Variants in PATE4 observed in about 807,000 individuals in gnomAD.
PATE4 encodes the protein prostate and testis expressed 4.
In PATE4, 13 loss-of-function variants were observed where a neutral mutation model predicts 8.5. The observed-to-expected ratio is 1.53, with a 90% confidence interval of 1.00 to 2.43. PATE4 has a LOEUF of 2.43. Among genes scored for constraint, PATE4 ranks in the 30% most tolerant of loss-of-function variants. The pLI, the probability that PATE4 is intolerant of heterozygous loss-of-function variation, is 0.00. For synonymous variants in PATE4, 47 were observed against 39.3 expected, an observed-to-expected ratio of 1.20 and a Z score of -0.73; for missense variants, 127 against 115.5, an observed-to-expected ratio of 1.10 and a Z score of -0.46.
At chr11:125,837,828 C>A in intron 1 of PATE4, 40 bp from the exon 2 acceptor site, 1 of 1,458,792 alleles carries the variant, frequency 6.9e-7, no homozygotes, top group Non-Finnish European at 9.4e-7. Context: ...TCCATTGTCC[C>A]ACAATCCAGC....
At chr11:125,837,388 T>C (rs1029688221) in intron 1 of PATE4, among the ~76,000 whole-genome samples, 22 of 152,150 alleles carry the variant, frequency 1.4e-4, no homozygotes, top group Non-Finnish European at 2.9e-5. Context: ...GCCGTTTTCA[T>C]TCCTACCTCT....
At chr11:125,833,545 T>C (rs534696672) in intron 1 of PATE4, 128 bp downstream of exon 1, 44 of 809,168 alleles carry the variant, frequency 5.4e-5, no homozygotes, top group Admixed American at 2.9e-4. Flanking sequence ...AGTTTCAGGA[T>C]GTCAGAGAGA....
At chr11:125,837,254 C>G (rs1426390369) in intron 1 of PATE4, among the ~76,000 whole-genome samples, 5 of 152,184 alleles carry the variant, frequency 3.3e-5, no homozygotes, top group Non-Finnish European at 5.9e-5. Flanking sequence ...CTCCTGGTCA[C>G]AGGGACTCCC....
chr11:125,834,735 T>C (rs1271934313), intron 1 of PATE4, among the ~76,000 whole-genome samples: 1 of 152,200 alleles, frequency 6.6e-6, no homozygotes, highest in Non-Finnish European at 1.5e-5. Flanking sequence ...CATTATTTAT[T>C]GCAGCAGATA....
At chr11:125,834,826 A>C (rs185531627) in intron 1 of PATE4, among the ~76,000 whole-genome samples, 36 of 152,326 alleles carry the variant, frequency 2.4e-4, no homozygotes, top group African/African-American at 8.7e-4. Flanking sequence ...GTGGAATACT[A>C]TACACTTAGT....
intron 1 of PATE4, among the ~76,000 whole-genome samples, chr11:125,837,162 A>G (rs1314565421): frequency 6.6e-6 from 1 of 152,166 alleles, no homozygotes; most frequent in East Asian, 1.9e-4. Flanking sequence ...TTTCCCCATC[A>G]TCACCATCAC....
At chr11:125,834,163 A>G (rs1474129133) in intron 1 of PATE4, among the ~76,000 whole-genome samples, 1 of 152,242 alleles carries the variant, frequency 6.6e-6, no homozygotes, top group Non-Finnish European at 1.5e-5. Context: ...TTGTAAGCTT[A>G]GAAATGAGAA....
intron 1 of PATE4, among the ~76,000 whole-genome samples, chr11:125,836,125 T>C (rs1288391827): frequency 5.3e-5 from 8 of 150,024 alleles, no homozygotes. Flanking sequence ...TGGCAAGACT[T>C]TTTTTTTTTT....
Position 125,839,877 on chromosome 11 carries a change from C to T in PATE4, c.*1450C>T, listed in dbSNP as rs1203506314. 6.6e-6 allele frequency: 1 copy of T among 152,108 alleles called. No homozygotes were observed. Among genetic ancestry groups the T allele is most frequent in the African/African-American group, 2.4e-5 (1 of 41,408 alleles). 9.4% of individuals were successfully genotyped at this position (152,108 alleles called of 1,614,324 possible). On this transcript the variant is annotated 3_prime_UTR_variant, in exon 3 of 3. Coordinates refer to ENST00000457514, the MANE Select transcript of PATE4 (RefSeq NM_001144874.1). ...GGGACACAGCCAAACCATATCAGTCCCCTTCTTAAAACTCTCCTCTCTAGC... is the reference window on the plus strand; with the variant it reads ...GGGACACAGCCAAACCATATCAGTCTCCTTCTTAAAACTCTCCTCTCTAGC...
At position 125,838,489 on chromosome 11, in the gene PATE4, T is replaced by G; in HGVS notation, c.*62T>G. On this transcript the variant is annotated 3_prime_UTR_variant, in exon 3 of 3. Transcript: ENST00000457514. ...GATCCAGAATCAAGACCAACCAACA[T>G]GAACTGTTTTATTTCCCACACCAAA... 1 of 1,482,732 alleles carries G rather than the reference T, an allele frequency of 6.7e-7. No individual in the cohort carries two copies. Among genetic ancestry groups the G allele is most frequent in the Non-Finnish European group, 8.9e-7 (1 of 1,118,594 alleles). The allele number at this position is 1,482,732 out of a possible 1,614,324, so 91.8% of individuals were successfully genotyped here. A position where few individuals can be genotyped will look rare whatever the true frequency, so the allele number is the denominator to read the frequency against.
rs1277873148 is a variant in PATE4 at position 125,838,802 on chromosome 11, G to T, written c.*375G>T. 2.8e-5 allele frequency: 5 copies of T among 176,184 alleles called. No homozygotes were observed. The highest frequency in any genetic ancestry group is 7.1e-5 in the African/African-American group (3 of 42,528). The allele number at this position is 176,184 out of a possible 1,614,324, so 10.9% of individuals were successfully genotyped here. A position where few individuals can be genotyped will look rare whatever the true frequency, so the allele number is the denominator to read the frequency against. ...CTTTGAAAATGTGATTAAGGATCTT[G>T]AGAAGGGGAGGTTATCTTGCATTAT... On this transcript the variant is annotated 3_prime_UTR_variant, in exon 3 of 3. Transcript: ENST00000457514.
intron 1 of PATE4, among the ~76,000 whole-genome samples, chr11:125,836,166 C>G (rs1032181756): frequency 6.8e-6 from 1 of 146,974 alleles, no homozygotes; most frequent in Non-Finnish European, 1.5e-5. Context: ...AAGTTAGGAG[C>G]CTTGCCTGAA....
At chr11:125,834,589 G>T (rs1943907376) in intron 1 of PATE4, among the ~76,000 whole-genome samples, 1 of 152,118 alleles carries the variant, frequency 6.6e-6, no homozygotes, top group South Asian at 2.1e-4. Context: ...GATAGCAACA[G>T]AATAGTTACA....
chr11:125,833,576 CG>C (rs1233826941), intron 1 of PATE4, among the ~76,000 whole-genome samples, 159 bp downstream of exon 1: 1 of 152,100 alleles, frequency 6.6e-6, no homozygotes, highest in Non-Finnish European at 1.5e-5. Context: ...CACACTAATC[CG>C]GAAGAAAATG....
At chr11:125,833,519 G>T (rs1042904681) in intron 1 of PATE4, 102 bp downstream of exon 1, 1 of 1,068,412 alleles carries the variant, frequency 9.4e-7, no homozygotes, top group Non-Finnish European at 1.4e-6. Context: ...GAGACCCAAA[G>T]ACTCAGTACA....
chr11:125,836,509 A>C (rs1317588093), intron 1 of PATE4, among the ~76,000 whole-genome samples: 1 of 151,954 alleles, frequency 6.6e-6, no homozygotes, highest in Non-Finnish European at 1.5e-5. Context: ...GCTTCTTTTC[A>C]CTGCTGTTCC....
At position 125,838,432 on chromosome 11, in the gene PATE4, G is replaced by A; in HGVS notation, c.*5G>A. The A allele has an allele frequency of 6.5e-7, 1 of 1,538,822 alleles. No homozygotes were observed. Among genetic ancestry groups the A allele is most frequent in the Middle Eastern group, 1.7e-4 (1 of 5,912 alleles). Reference sequence around the variant, plus strand: ...AACTTCTGTAATGTCTTCTAATGGAGCTTAGGAACTTGCAGAGGATCATCT... The same window carrying A: ...AACTTCTGTAATGTCTTCTAATGGAACTTAGGAACTTGCAGAGGATCATCT... On this transcript the variant is annotated 3_prime_UTR_variant, in exon 3 of 3. Transcript: ENST00000457514.
At position 125,833,344 on chromosome 11, in the gene PATE4, C is replaced by A; in HGVS notation, c.-16C>A. On this transcript the variant is annotated 5_prime_UTR_variant, in exon 1 of 3. Coordinates refer to ENST00000457514, the MANE Select transcript of PATE4 (RefSeq NM_001144874.1). ...ACCTCACTCAGCACACCGTCTGTCA[C>A]CCAAACAAGCATCCAATGAGGAAAA... 6.4e-7 allele frequency: 1 copy of A among 1,551,230 alleles called. No individual in the cohort carries two copies. Among genetic ancestry groups the A allele is most frequent in the Non-Finnish European group, 8.7e-7 (1 of 1,146,694 alleles).
chr11:125,836,465 G>A lies in PATE4; in HGVS notation c.59-1403G>A, dbSNP rs557024699. Among the ~76,000 whole-genome samples the A allele has an allele frequency of 5.3e-5, 8 of 152,186 alleles. No individual in the cohort carries two copies. In the East Asian group the frequency reaches 7.7e-4, roughly 15 times the overall value. ...CACAACCCACTCCATTCTGTGCCCC[G>A]GTTACATTAGCATTTTTGTCCCTCA... is the stretch of plus-strand genomic sequence containing the variant. On this transcript the variant is annotated intron_variant, in intron 1 of 2. Coordinates refer to ENST00000457514, the MANE Select transcript of PATE4 (RefSeq NM_001144874.1).
Sources: gnomAD v4.1 joint callset for allele counts (sites outside exome capture counted in the v4.1 genomes callset) on GRCh38, gnomAD v4.1.1 for gene constraint, MANE v1.5 for transcripts, NCBI Gene and HGNC (gene_info 2026-07-23, HGNC 2026-07-21) for gene names.